Variants in LPP observed in about 807,000 individuals in gnomAD.
LPP encodes the protein LIM domain containing preferred translocation partner in lipoma, also known as lipoma-preferred partner.
Under a neutral mutation model 60.4 loss-of-function variants are expected in LPP, and 38 were observed. The observed-to-expected ratio is 0.63, with a 90% confidence interval of 0.49 to 0.83. The LOEUF is 0.83. LPP is among the 40% of genes least tolerant of loss of function. LPP has a pLI of 0.00. For missense variants in LPP, 902 were observed against 783.6 expected (o/e 1.15, Z -1.80); for synonymous variants, 328 against 290.8 (o/e 1.13, Z -1.30).
chr3:188,362,786 C>T (rs1187505336), intron 3 of LPP, among the ~76,000 whole-genome samples: 6 of 152,130 alleles, frequency 3.9e-5, no homozygotes, highest in Non-Finnish European at 1.5e-5. Flanking sequence ...CGTCAGCTTC[C>T]AGGTTTGTCT....
intron 9 of LPP, among the ~76,000 whole-genome samples, chr3:188,792,215 T>G (rs1014644934): frequency 6.6e-6 from 1 of 152,188 alleles, no homozygotes; most frequent in Non-Finnish European, 1.5e-5. Flanking sequence ...AGATTTTGTG[T>G]AACAGGGAAA....
intron 7 of LPP, among the ~76,000 whole-genome samples, chr3:188,690,274 A>G (rs1389102592): frequency 2.0e-5 from 3 of 152,270 alleles, no homozygotes; most frequent in South Asian, 2.1e-4. Context: ...TCATTACGCT[A>G]TGTGACATGT....
chr3:188,546,621 T>C (rs1260739532), intron 6 of LPP, among the ~76,000 whole-genome samples: 1 of 152,058 alleles, frequency 6.6e-6, no homozygotes, highest in Admixed American at 6.6e-5. Context: ...GCTGAGTAAG[T>C]AACGATATTT....
In LPP at chr3:188,882,527, C is replaced by T. The variant is rs554648371; in HGVS notation, c.*8048C>T. On this transcript the variant is annotated 3_prime_UTR_variant, in exon 12 of 12. Transcript: ENST00000617246. ...TGGACAGGAAGCAGCCCTCCATGAA[C>T]TTTATTATCACAGAATATGAGCATT... 4.5e-6 allele frequency: 1 copy of T among 224,184 alleles called. No homozygotes were observed. The highest frequency in any genetic ancestry group is 1.8e-4 in the South Asian group (1 of 5,460). 13.9% of individuals were successfully genotyped at this position (224,184 alleles called of 1,614,324 possible).
intron 7 of LPP, among the ~76,000 whole-genome samples, chr3:188,611,966 A>C (rs761477457): frequency 6.3e-4 from 96 of 152,208 alleles, no homozygotes; most frequent in Non-Finnish European, 1.0e-3. Context: ...GATGGAATGA[A>C]TTTTTATAAA....
intron 2 of LPP, chr3:188,239,789 G>T (rs1056628807): frequency 9.3e-6 from 2 of 215,118 alleles, no homozygotes; most frequent in African/African-American, 4.5e-5. Flanking sequence ...TATTGATTGC[G>T]CAACATCATG....
intron 7 of LPP, among the ~76,000 whole-genome samples, chr3:188,700,501 G>A (rs1201374248): frequency 6.6e-6 from 1 of 152,178 alleles, no homozygotes; most frequent in Non-Finnish European, 1.5e-5. Context: ...ACCTTAGTGC[G>A]GGCTGTTTCC....
chr3:188,702,269 G>A (rs1031414552), intron 7 of LPP, among the ~76,000 whole-genome samples: 2 of 150,692 alleles, frequency 1.3e-5, no homozygotes, highest in Admixed American at 1.3e-4. Flanking sequence ...CCTCTTAACA[G>A]TTTTTTAGAT....
chr3:188,266,924 A>C (rs931447283), intron 2 of LPP, among the ~76,000 whole-genome samples: 8 of 152,200 alleles, frequency 5.3e-5, no homozygotes, highest in Admixed American at 3.9e-4. Flanking sequence ...AGATAGAAAG[A>C]TAGAGGAATG....
intron 2 of LPP, chr3:188,239,881 A>T (rs1305958826): frequency 4.8e-6 from 1 of 209,846 alleles, no homozygotes; most frequent in Non-Finnish European, 9.7e-6. Flanking sequence ...ATTTGCTTTC[A>T]TTTCTAATGA....
At chr3:188,606,795 C>T (rs1286942943) in intron 6 of LPP, among the ~76,000 whole-genome samples, 1 of 152,034 alleles carries the variant, frequency 6.6e-6, no homozygotes. Context: ...ATAAAAAAGT[C>T]AGCGTAGATG....
chr3:188,203,496 TATATAAATATATATATTTAA>T, intron 1 of LPP, among the ~76,000 whole-genome samples: 1 of 69,710 alleles, frequency 1.4e-5, no homozygotes, highest in East Asian at 3.8e-4. Context: ...TTTTTAAATA[TATATAAATATATATATTTAA>T]ATATATATAA....
At chr3:188,619,457 C>T (rs1333709432) in intron 7 of LPP, among the ~76,000 whole-genome samples, 1 of 152,190 alleles carries the variant, frequency 6.6e-6, no homozygotes, top group Non-Finnish European at 1.5e-5. Context: ...GAGAGGAGTT[C>T]AGGAAGGCAG....
At chr3:188,639,585 C>T (rs1399989986) in intron 7 of LPP, among the ~76,000 whole-genome samples, 10 of 149,602 alleles carry the variant, frequency 6.7e-5, no homozygotes, top group African/African-American at 9.8e-5. Flanking sequence ...AGGCAACCTA[C>T]AAAATGGGAG....
chr3:188,416,733 A>C (rs1466766643), intron 4 of LPP, among the ~76,000 whole-genome samples: 5 of 152,146 alleles, frequency 3.3e-5, no homozygotes, highest in Non-Finnish European at 5.9e-5. Context: ...TTGGGATCCA[A>C]AACCAGAAAA....
At chr3:188,788,701 C>T (rs2150987935) in intron 9 of LPP, among the ~76,000 whole-genome samples, 1 of 152,222 alleles carries the variant, frequency 6.6e-6, no homozygotes, top group South Asian at 2.1e-4. Flanking sequence ...ACTACAGAAC[C>T]CTTTGTATAA....
intron 2 of LPP, among the ~76,000 whole-genome samples, chr3:188,268,735 G>A (rs891324038): frequency 2.0e-5 from 3 of 152,180 alleles, no homozygotes; most frequent in Admixed American, 6.5e-5. Flanking sequence ...TTGAAGCTTA[G>A]GCTTACTGAC....
In LPP at chr3:188,216,459, C is replaced by T. The variant is rs144377146; in HGVS notation, c.-189-8946C>T. Among the ~76,000 whole-genome samples the T allele has an allele frequency of 2.1e-4, 32 of 152,014 alleles. No homozygotes were observed. In the East Asian group the frequency reaches 5.6e-3, roughly 27 times the overall value. ...CTAATTTTTGTATTTTTAGTAGAGA[C>T]GGGGTTTCACCATGTTGACCAGGCT... On this transcript the variant is annotated intron_variant, in intron 1 of 11. Transcript: ENST00000617246.
In LPP at chr3:188,875,344, A is replaced by G. The variant is rs1560329193; in HGVS notation, c.*865A>G. 4.6e-6 allele frequency: 1 copy of G among 219,100 alleles called. No individual in the cohort carries two copies. The highest frequency in any genetic ancestry group is 2.2e-5 in the African/African-American group (1 of 44,528). 13.6% of individuals were successfully genotyped at this position (219,100 alleles called of 1,614,324 possible). A position where few individuals can be genotyped will look rare whatever the true frequency, so the allele number is the denominator to read the frequency against. On this transcript the variant is annotated 3_prime_UTR_variant, in exon 12 of 12. Transcript: ENST00000617246. ...AACTTGATTTCTTCTAGAAGATAAC[A>G]TTTTCAATACTGTCCCACTTCTCAT...
Sources: allele counts gnomAD v4.1 joint callset (sites outside exome capture counted in the v4.1 genomes callset), GRCh38; gene constraint gnomAD v4.1.1; transcripts MANE v1.5; gene names NCBI Gene and HGNC (gene_info 2026-07-23, HGNC 2026-07-21).